The following ZNF521 variants were observed in gnomAD, a reference collection of about 807,000 sequenced individuals.
The protein encoded by ZNF521 is zinc finger protein 521, also known as LYST-interacting protein 3.
A neutral mutation model predicts 105.5 loss-of-function variants in ZNF521; 14 were observed. That is an observed-to-expected ratio of 0.13 (90% confidence interval 0.09 to 0.21). The LOEUF is 0.21. Ranked by LOEUF, ZNF521 falls within the 10% of genes least tolerant of loss-of-function variation. ZNF521 has a pLI of 1.00. For missense variants in ZNF521, 1,233 were observed against 1,629.7 expected, an observed-to-expected ratio of 0.76 and a Z score of 4.19; for synonymous variants, 635 against 606.0, an observed-to-expected ratio of 1.05 and a Z score of -0.70.
intron 5 of ZNF521, among the ~76,000 whole-genome samples, chr18:25,140,807 T>C (rs537330088): frequency 6.6e-6 from 1 of 152,280 alleles, no homozygotes; most frequent in African/African-American, 2.4e-5. Flanking sequence ...AAAGTGCACA[T>C]ACAACTGTGA....
chr18:25,326,162 T>C (rs1913207187), intron 2 of ZNF521, among the ~76,000 whole-genome samples: 1 of 152,178 alleles, frequency 6.6e-6, no homozygotes, highest in Non-Finnish European at 1.5e-5. Flanking sequence ...GTAATGAATA[T>C]CTAAAAGCCA....
At chr18:25,321,785 T>C (rs1424426244) in intron 3 of ZNF521, among the ~76,000 whole-genome samples, 1 of 152,208 alleles carries the variant, frequency 6.6e-6, no homozygotes, top group Non-Finnish European at 1.5e-5. Flanking sequence ...ATACACTCAT[T>C]AGCTATTGAC....
chr18:25,188,003 G>A (rs1368439211), intron 5 of ZNF521, among the ~76,000 whole-genome samples: 1 of 152,088 alleles, frequency 6.6e-6, no homozygotes, highest in Non-Finnish European at 1.5e-5. Context: ...GGATTAAAGG[G>A]TGCCTGATTG....
At chr18:25,157,112 C>T (rs933690767) in intron 5 of ZNF521, among the ~76,000 whole-genome samples, 18 of 152,046 alleles carry the variant, frequency 1.2e-4, no homozygotes, top group African/African-American at 3.9e-4. Context: ...GTGGGAGAAT[C>T]GCTTGAACCT....
chr18:25,139,262 C>T (rs1465657155), intron 5 of ZNF521, among the ~76,000 whole-genome samples: 4 of 148,784 alleles, frequency 2.7e-5, no homozygotes, highest in African/African-American at 5.0e-5. Context: ...CCCAGCTACT[C>T]GGGAGGCTAA....
intron 5 of ZNF521, among the ~76,000 whole-genome samples, chr18:25,121,949 C>G (rs957841832): frequency 6.6e-6 from 1 of 151,940 alleles, no homozygotes; most frequent in African/African-American, 2.4e-5. Flanking sequence ...CGTAAAGAAG[C>G]AGGAAAATGC....
chr18:25,307,077 A>G (rs912971337), intron 3 of ZNF521, among the ~76,000 whole-genome samples: 2 of 152,132 alleles, frequency 1.3e-5, no homozygotes, highest in Non-Finnish European at 2.9e-5. Flanking sequence ...CAACTAATCA[A>G]TTACTACATC....
At chr18:25,123,581 C>A (rs2034485054) in intron 5 of ZNF521, among the ~76,000 whole-genome samples, 1 of 152,146 alleles carries the variant, frequency 6.6e-6, no homozygotes, top group South Asian at 2.1e-4. Flanking sequence ...AATCACAACC[C>A]TGAGCCTTGG....
intron 3 of ZNF521, among the ~76,000 whole-genome samples, chr18:25,284,121 A>G (rs1910549799): frequency 6.6e-6 from 1 of 152,218 alleles, no homozygotes; most frequent in Non-Finnish European, 1.5e-5. Context: ...AGGTCAGGTG[A>G]CATGGTGTCA....
chr18:25,351,099 G>C (rs1337672853), intron 1 of ZNF521, 152 bp from the exon 2 acceptor site: 1 of 332,668 alleles, frequency 3.0e-6, no homozygotes, highest in South Asian at 1.1e-4. Flanking sequence ...CTCCGGCTCC[G>C]GCTCGCGCTC....
At chr18:25,161,927 A>G (rs1185810320) in intron 5 of ZNF521, among the ~76,000 whole-genome samples, 1 of 152,208 alleles carries the variant, frequency 6.6e-6, no homozygotes, top group African/African-American at 2.4e-5. Flanking sequence ...ATGGCGGGTT[A>G]CAACATGACA....
In ZNF521 at chr18:25,175,189, T is replaced by C. The variant is rs528110340; in HGVS notation, c.3658+19971A>G. On this transcript the variant is annotated intron_variant, in intron 5 of 7. Transcript: ENST00000361524. ...TTCAAAAACTAAGAAGTCATCACAA[T>C]AGCCTGTGTGTCACAGGACATGATG... is the stretch of plus-strand genomic sequence containing the variant. 7.2e-5 allele frequency among the ~76,000 whole-genome samples: 11 copies of C among 152,300 alleles called. No homozygotes were observed. In the South Asian group the frequency reaches 1.7e-3, roughly 23 times the overall value.
intron 4 of ZNF521, among the ~76,000 whole-genome samples, chr18:25,213,824 CT>C (rs1568013072): frequency 6.6e-6 from 1 of 152,000 alleles, no homozygotes; most frequent in East Asian, 1.9e-4. Context: ...CTATACTTCT[CT>C]TTTTTTCTTG....
chr18:25,104,833 C>T (rs185424158), intron 5 of ZNF521, among the ~76,000 whole-genome samples: 2 of 151,988 alleles, frequency 1.3e-5, no homozygotes, highest in East Asian at 3.9e-4. Flanking sequence ...TATGAATGTG[C>T]AGAAAATAAA....
intron 5 of ZNF521, among the ~76,000 whole-genome samples, chr18:25,159,934 T>C (rs1481037703): frequency 2.6e-5 from 4 of 152,136 alleles, no homozygotes; most frequent in Admixed American, 2.6e-4. Flanking sequence ...ATTCTACAAA[T>C]GACAGCTGAA....
intron 5 of ZNF521, among the ~76,000 whole-genome samples, chr18:25,096,332 T>C (rs762463994): frequency 7.9e-5 from 12 of 152,196 alleles, no homozygotes; most frequent in Non-Finnish European, 1.8e-4. Flanking sequence ...AGTTCAAAGA[T>C]GAATGACAAC....
chr18:25,189,797 G>A (rs563988617), intron 5 of ZNF521, among the ~76,000 whole-genome samples: 7 of 152,270 alleles, frequency 4.6e-5, no homozygotes, highest in Admixed American at 1.3e-4. Context: ...CAAAAGTTAC[G>A]TTATAAACAA....
In ZNF521 at chr18:25,062,594, T is replaced by C. The variant is rs2032926576; in HGVS notation, c.*118A>G. Reference sequence around the variant, plus strand: ...CAACAGTTTGATAATACAAGTTTTATGGTACAATACAATGTTTCTGAATAA... The same window carrying C: ...CAACAGTTTGATAATACAAGTTTTACGGTACAATACAATGTTTCTGAATAA... On this transcript the variant is annotated 3_prime_UTR_variant, in exon 8 of 8. Transcript: ENST00000361524. The C allele has an allele frequency of 3.0e-6, 4 of 1,339,982 alleles. No homozygotes were observed. In the South Asian group the frequency reaches 3.8e-5, roughly 13 times the overall value. The allele number at this position is 1,339,982 out of a possible 1,614,324, so 83.0% of individuals were successfully genotyped here. A position where few individuals can be genotyped will look rare whatever the true frequency, so the allele number is the denominator to read the frequency against.
At chr18:25,112,173 C>T (rs1241064576) in intron 5 of ZNF521, among the ~76,000 whole-genome samples, 2 of 152,298 alleles carry the variant, frequency 1.3e-5, no homozygotes, top group Admixed American at 1.3e-4. Context: ...TAAATAAGTG[C>T]ATGCATACAT....
Sources: allele counts gnomAD v4.1 joint callset (sites outside exome capture counted in the v4.1 genomes callset), GRCh38; gene constraint gnomAD v4.1.1; transcripts MANE v1.5; gene names NCBI Gene and HGNC (gene_info 2026-07-23, HGNC 2026-07-21).